The following RAB12 variants were observed in gnomAD, a reference collection of about 807,000 sequenced individuals.
RAB12 encodes RAB12, member RAS oncogene family.
In RAB12, 11 loss-of-function variants were observed where a neutral mutation model predicts 28.4. The ratio of observed to expected loss-of-function variants is 0.39; its 90% CI spans 0.24 to 0.64. RAB12 has a LOEUF of 0.64. Among genes scored for constraint, RAB12 ranks in the 30% least tolerant of loss-of-function variants. RAB12 has a pLI of 0.50. For missense variants in RAB12, 276 were observed against 351.1 expected (o/e 0.79, Z 1.71); for synonymous variants, 138 against 145.3 (o/e 0.95, Z 0.36).
At position 8,633,150 on chromosome 18, in the gene RAB12, G is replaced by A. The variant is rs187398105; in HGVS notation, c.576-39G>A. ...TTGGAATGTGATGGTGCTCACTTTG[G>A]GCATTATTTGGGAACTGACTTTGGC... On this transcript the variant is annotated intron_variant, in intron 2 of 5. Coordinates refer to ENST00000649141, the MANE Select transcript of RAB12 (RefSeq NM_001025300.3). The A allele has an allele frequency of 5.6e-4, 900 of 1,612,858 alleles. 5 individuals carry two copies. The African/African-American group carries it at 9.6e-3, about 17-fold the overall frequency.
In RAB12 at chr18:8,638,357, C is replaced by A; in HGVS notation, c.*95C>A. The stretch of plus-strand genomic sequence containing the variant: ...ATCATTTTGACAATTTCCTTTCGCA[C>A]TTTGTAATCCAAGTCAGAGCTATAC... On this transcript the variant is annotated 3_prime_UTR_variant, in exon 6 of 6. Coordinates refer to ENST00000649141, the MANE Select transcript of RAB12 (RefSeq NM_001025300.3). 2 of 831,220 alleles carry A rather than the reference C, an allele frequency of 2.4e-6. No individual in the cohort carries two copies. Among genetic ancestry groups the A allele is most frequent in the Non-Finnish European group, 4.0e-6 (2 of 504,298 alleles). 51.5% of individuals were successfully genotyped at this position (831,220 alleles called of 1,614,324 possible). A position where few individuals can be genotyped will look rare whatever the true frequency, so the allele number is the denominator to read the frequency against.
At position 8,628,047 on chromosome 18, in the gene RAB12, A is replaced by G. The variant is rs182584317; in HGVS notation, c.575+3049A>G. On this transcript the variant is annotated intron_variant, in intron 2 of 5. Transcript: ENST00000649141. ...GATAGAAAAATCAGAATAAGGTGGC[A>G]TGCTAACTGTAGTAAACGATGATTG... Among the ~76,000 whole-genome samples, 15 of 152,328 alleles carry G rather than the reference A, an allele frequency of 9.8e-5. No homozygotes were observed. The East Asian group carries it at 2.9e-3, about 29-fold the overall frequency.
intron 1 of RAB12, among the ~76,000 whole-genome samples, chr18:8,611,571 G>C (rs1341800740): frequency 1.3e-5 from 2 of 152,136 alleles, no homozygotes; most frequent in African/African-American, 4.8e-5. Context: ...ACTTGGGAAT[G>C]GATGCTGCGA....
In RAB12 at chr18:8,609,679, G is replaced by C. The variant is rs934536035; in HGVS notation, c.240G>C (p.Arg80=). The change falls in exon 1 of 6, where the codon CGG becomes CGC. Residue 80 remains arginine (R), a synonymous_variant. Coordinates refer to ENST00000649141, the MANE Select transcript of RAB12 (RefSeq NM_001025300.3). ...EGAPGPGARS[R]GAGGGGRRAE... ...CGCCGGGGCCCGGGGCGCGCAGCCG[G>C]GGGGCGGGCGGCGGCGGGCGGCGGG... 5.4e-6 allele frequency: 5 copies of C among 925,368 alleles called. No homozygotes were observed. The highest frequency in any genetic ancestry group is 1.2e-4 in the East Asian group (1 of 8,426). 57.3% of individuals were successfully genotyped at this position (925,368 alleles called of 1,614,324 possible).
chr18:8,623,351 G>A (rs1475690539), intron 1 of RAB12, among the ~76,000 whole-genome samples: 3 of 152,184 alleles, frequency 2.0e-5, no homozygotes, highest in Non-Finnish European at 4.4e-5. Flanking sequence ...TGGTCCCTCC[G>A]TTTGGGGTCC....
Position 8,619,183 on chromosome 18 carries a change from A to G in RAB12, c.515-5755A>G, listed in dbSNP as rs147391834. Among the ~76,000 whole-genome samples the G allele has an allele frequency of 4.9e-4, 75 of 152,312 alleles. No homozygotes were observed. In the East Asian group the frequency reaches 0.01, roughly 21 times the overall value. ...TTCTTGAAAGTATTAAGTAAAATCTATGGTCTGGTCCAAACTCCAGATCTT... is the reference window on the plus strand; with the variant it reads ...TTCTTGAAAGTATTAAGTAAAATCTGTGGTCTGGTCCAAACTCCAGATCTT... On this transcript the variant is annotated intron_variant, in intron 1 of 5. Transcript: ENST00000649141.
intron 2 of RAB12, 91 bp downstream of exon 2, chr18:8,625,089 G>A (rs930892904): frequency 2.5e-6 from 2 of 786,812 alleles, no homozygotes; most frequent in African/African-American, 3.5e-5. Flanking sequence ...GAGCTGATTT[G>A]CCTCTCCTAC....
intron 1 of RAB12, among the ~76,000 whole-genome samples, chr18:8,620,130 T>TTC (rs1567893722): frequency 8.3e-6 from 1 of 119,994 alleles, no homozygotes; most frequent in Non-Finnish European, 1.6e-5. Flanking sequence ...TTCTTTTTTT[T>TTC]TTCTTCTTCT....
intron 1 of RAB12, among the ~76,000 whole-genome samples, chr18:8,611,816 C>G (rs895888071): frequency 1.3e-5 from 2 of 152,206 alleles, no homozygotes; most frequent in Non-Finnish European, 2.9e-5. Context: ...AGCACATACT[C>G]CCTACTCTGA....
intron 2 of RAB12, among the ~76,000 whole-genome samples, 174 bp downstream of exon 2, chr18:8,625,172 G>A (rs1378280204): frequency 6.6e-6 from 1 of 152,202 alleles, no homozygotes; most frequent in Middle Eastern, 3.2e-3. Context: ...AGATAAGGCT[G>A]TTATGTTATA....
At chr18:8,632,553 C>T (rs569060987) in intron 2 of RAB12, among the ~76,000 whole-genome samples, 1 of 152,172 alleles carries the variant, frequency 6.6e-6, no homozygotes, top group Non-Finnish European at 1.5e-5. Flanking sequence ...CGTAAGCTGC[C>T]ACATGTGCCC....
chr18:8,634,480 T>G (rs956287373), intron 3 of RAB12, among the ~76,000 whole-genome samples: 9 of 151,902 alleles, frequency 5.9e-5, no homozygotes, highest in Non-Finnish European at 1.0e-4. Context: ...CTGTGGAAAT[T>G]AGAAGTGGAC....
chr18:8,613,272 A>T (rs1223694235), intron 1 of RAB12, among the ~76,000 whole-genome samples: 1 of 152,216 alleles, frequency 6.6e-6, no homozygotes, highest in East Asian at 1.9e-4. Flanking sequence ...AAGTTCTTTT[A>T]AAAAGTACAG....
chr18:8,613,486 G>A (rs1405655359), intron 1 of RAB12, among the ~76,000 whole-genome samples: 2 of 151,942 alleles, frequency 1.3e-5, no homozygotes, highest in East Asian at 1.9e-4. Context: ...TAGCAATGCC[G>A]AATTCTTGAT....
chr18:8,637,977 G>A (rs574767007), intron 5 of RAB12, among the ~76,000 whole-genome samples, 172 bp from the exon 6 acceptor site: 1 of 152,268 alleles, frequency 6.6e-6, no homozygotes, highest in South Asian at 2.1e-4. Context: ...TCTTCCGGGT[G>A]GCAGAGGCGG....
chr18:8,611,829 G>A (rs948435481), intron 1 of RAB12, among the ~76,000 whole-genome samples: 1 of 152,224 alleles, frequency 6.6e-6, no homozygotes, highest in Non-Finnish European at 1.5e-5. Flanking sequence ...TACTCTGAGT[G>A]TGGTTGAATT....
At chr18:8,636,191 C>T in intron 4 of RAB12, 62 bp from the exon 5 acceptor site, 1 of 1,087,810 alleles carries the variant, frequency 9.2e-7, no homozygotes, top group South Asian at 1.3e-5. Flanking sequence ...CCAGAGACCT[C>T]ATGCTCGCAC....
At chr18:8,612,522 G>A (rs1273333982) in intron 1 of RAB12, among the ~76,000 whole-genome samples, 12 of 152,166 alleles carry the variant, frequency 7.9e-5, no homozygotes, top group Non-Finnish European at 8.8e-5. Flanking sequence ...GGCTGCTCGC[G>A]ACAGCCGTCT....
intron 5 of RAB12, among the ~76,000 whole-genome samples, chr18:8,637,672 T>TTTAGG: frequency 6.6e-6 from 1 of 152,210 alleles, no homozygotes; most frequent in Non-Finnish European, 1.5e-5. Flanking sequence ...GTCAGAAATC[T>TTTAGG]GAGTATAACT....
Sources: allele counts gnomAD v4.1 joint callset (sites outside exome capture counted in the v4.1 genomes callset), GRCh38; gene constraint gnomAD v4.1.1; transcripts MANE v1.5; gene names NCBI Gene and HGNC (gene_info 2026-07-23, HGNC 2026-07-21).